MAU2: variants seen among roughly 807,000 people sequenced by gnomAD.
MAU2 encodes the protein MAU2 sister chromatid cohesion factor.
MAU2 carries 9 observed loss-of-function variants against 89.1 expected under a neutral mutation model. That is an observed-to-expected ratio of 0.10 (90% CI 0.06 to 0.18). MAU2 has a LOEUF of 0.18. Ranked by LOEUF, MAU2 falls within the 10% of genes least tolerant of loss-of-function variation. The pLI is 1.00. For synonymous variants in MAU2, 357 were observed against 343.4 expected (o/e 1.04, Z -0.44); for missense variants, 425 against 803.5 (o/e 0.53, Z 5.69).
intron 16 of MAU2, chr19:19,352,906 A>T (rs1020072653): frequency 1.3e-5 from 2 of 152,330 alleles, no homozygotes; most frequent in African/African-American, 4.8e-5. Context: ...AGACACAGCC[A>T]GACACAGCCA....
rs1216726435 is a variant in MAU2 at position 19,348,475 on chromosome 19, A to AT, written c.1309-412dup. 3.7e-5 allele frequency: 11 copies of AT among 296,170 alleles called. No homozygotes were observed. In the Admixed American group the frequency reaches 4.3e-4, roughly 12 times the overall value. 18.3% of individuals were successfully genotyped at this position (296,170 alleles called of 1,614,324 possible). ...GCCTCTGCAGCTAGAGGGCAGCTAA[A>AT]TTATCAGTCAGATCACGCCCCCATC... On this transcript the variant is annotated intron_variant, in intron 13 of 18. Transcript: ENST00000262815.
Position 19,357,034 on chromosome 19 carries a change from G to A in MAU2, c.*1252G>A, listed in dbSNP as rs2048187552. ...GTCCTGCTCAGCAGGGTAGGTGGTG[G>A]TTTTAGGTCTTGTCACCCTCACTCA... On this transcript the variant is annotated 3_prime_UTR_variant, in exon 19 of 19. Transcript: ENST00000262815. The A allele has an allele frequency of 6.6e-6, 1 of 152,276 alleles. No individual in the cohort carries two copies. Among genetic ancestry groups the A allele is most frequent in the Non-Finnish European group, 1.5e-5 (1 of 68,108 alleles). The allele number at this position is 152,276 out of a possible 1,614,324, so 9.4% of individuals were successfully genotyped here. A position where few individuals can be genotyped will look rare whatever the true frequency, so the allele number is the denominator to read the frequency against.
chr19:19,328,993 A>C (rs2061533279), intron 1 of MAU2: 1 of 454,670 alleles, frequency 2.2e-6, no homozygotes. Flanking sequence ...GGTTTTGCTC[A>C]TCTGACTTAG....
chr19:19,351,473 C>T (rs1301157456), intron 16 of MAU2, among the ~76,000 whole-genome samples: 1 of 33,186 alleles, frequency 3.0e-5, no homozygotes, highest in Non-Finnish European at 5.3e-5. Flanking sequence ...AATTCAATAT[C>T]AGCCTGACCA....
At position 19,349,379 on chromosome 19, in the gene MAU2, C is replaced by T. The variant is rs1174583851; in HGVS notation, c.1491C>T (p.Leu497=). The T allele has an allele frequency of 6.8e-6, 11 of 1,614,210 alleles. No individual in the cohort carries two copies. The South Asian group carries it at 7.7e-5, about 11-fold the overall frequency. Residue 497 remains leucine (L), a synonymous_variant, in exon 16 of 19, where the codon CTC becomes CTT. Coordinates refer to ENST00000262815, the MANE Select transcript of MAU2 (RefSeq NM_015329.4). ...CCAATGCTGAGGACCTGAACCGGCT[C>T]ACAGCCTGCTCCCTCGTGCTTCTGG... ...KMSNAEDLNR[L]TACSLVLLGH... is the part of the protein sequence containing the mutation.
chr19:19,344,716 G>A, intron 10 of MAU2, 133 bp from the exon 11 acceptor site: 1 of 691,240 alleles, frequency 1.4e-6, no homozygotes, highest in Non-Finnish European at 2.6e-6. Context: ...GGACGTGTCT[G>A]CTGGGGCTTT....
chr19:19,342,231 G>A (rs1304810651), intron 7 of MAU2, among the ~76,000 whole-genome samples: 2 of 152,162 alleles, frequency 1.3e-5, no homozygotes, highest in East Asian at 1.9e-4. Flanking sequence ...AGGTCTGGCT[G>A]CGTGAAGACC....
At position 19,338,956 on chromosome 19, in the gene MAU2, C is replaced by G; in HGVS notation, c.551+17C>G. 6.3e-7 allele frequency: 1 copy of G among 1,594,498 alleles called. No homozygotes were observed. The highest frequency in any genetic ancestry group is 8.6e-7 in the Non-Finnish European group (1 of 1,167,590). On this transcript the variant is annotated intron_variant, in intron 5 of 18. Coordinates refer to ENST00000262815, the MANE Select transcript of MAU2 (RefSeq NM_015329.4). ...ATACACACGGTAGGCACCCACTCCC[C>G]TCCTTCCCTCCTGCTCTGTTAACAG...
Position 19,335,546 on chromosome 19 carries a change from T to C in MAU2, c.277-172T>C, listed in dbSNP as rs556024925. ...GCTCTATAGCTTCCATTCCCCTGGC[T>C]GGATTGGAGGGGAGTAAGCCTACCC... On this transcript the variant is annotated intron_variant, in intron 1 of 18. Transcript: ENST00000262815. 2.6e-4 allele frequency among the ~76,000 whole-genome samples: 39 copies of C among 152,242 alleles called. 1 individual carries two copies. Among genetic ancestry groups the C allele is most frequent in the Non-Finnish European group, 5.4e-4 (37 of 68,014 alleles).
chr19:19,327,268 C>A (rs935729313), intron 1 of MAU2, among the ~76,000 whole-genome samples: 6 of 151,796 alleles, frequency 4.0e-5, no homozygotes, highest in African/African-American at 1.5e-4. Context: ...ATTACAGGTG[C>A]CTGCCACCAT....
At position 19,345,188 on chromosome 19, in the gene MAU2, A is replaced by G; in HGVS notation, c.1156-116A>G. 1.1e-6 allele frequency: 1 copy of G among 917,092 alleles called. No homozygotes were observed. Among genetic ancestry groups the G allele is most frequent in the Non-Finnish European group, 1.8e-6 (1 of 566,962 alleles). 56.8% of individuals were successfully genotyped at this position (917,092 alleles called of 1,614,324 possible). ...TTACCTGCCTTGCAGCTGGCTCGGT[A>G]GAGCCATTGTCATACTCCTCCAGGG... On this transcript the variant is annotated intron_variant, in intron 11 of 18. Transcript: ENST00000262815. This position sits in a 1 kb window ranked among gnomAD's most constrained non-coding sequence, Gnocchi z 4.9.
At chr19:19,336,216 A>G (rs957216129) in intron 3 of MAU2, 29 bp downstream of exon 3, 4 of 1,525,602 alleles carry the variant, frequency 2.6e-6, no homozygotes, top group East Asian at 2.3e-5. Flanking sequence ...TTCTGAAAGC[A>G]AAGTGTCTCT....
intron 13 of MAU2, 83 bp downstream of exon 13, chr19:19,347,449 C>A: frequency 9.4e-7 from 1 of 1,064,766 alleles, no homozygotes. Context: ...TGGGCACCAG[C>A]ACATCTCAGC....
chr19:19,335,224 A>C (rs2061586779), intron 1 of MAU2, among the ~76,000 whole-genome samples: 2 of 152,162 alleles, frequency 1.3e-5, no homozygotes, highest in South Asian at 4.1e-4. Flanking sequence ...ATAGCCAAGC[A>C]TCTTTCAAAT....
chr19:19,327,378 T>C (rs1186637244), intron 1 of MAU2, among the ~76,000 whole-genome samples: 1 of 151,784 alleles, frequency 6.6e-6, no homozygotes, highest in Non-Finnish European at 1.5e-5. Flanking sequence ...CAGGCTGGAG[T>C]GCAATGGCGC....
rs376011267 is a variant in MAU2, at chr19:19,332,568, C to T, written c.277-3150C>T. On this transcript the variant is annotated intron_variant, in intron 1 of 18. Transcript: ENST00000262815. ...ACCCAATCCTCTGGCTCCCAGTCAG[C>T]GCTCCTGACACCCACTGACGCTAGT... Among the ~76,000 whole-genome samples, 26 of 146,326 alleles carry T rather than the reference C, an allele frequency of 1.8e-4. No homozygotes were observed. The East Asian group carries it at 2.3e-3, about 13-fold the overall frequency.
intron 1 of MAU2, among the ~76,000 whole-genome samples, chr19:19,328,141 CAGAG>C (rs2061526219): frequency 2.1e-5 from 3 of 144,244 alleles, no homozygotes; most frequent in Middle Eastern, 3.6e-3. Flanking sequence ...ATCTGGGTGA[CAGAG>C]AGAGACCCTG....
chr19:19,347,615 C>T, intron 13 of MAU2: 1 of 452,854 alleles, frequency 2.2e-6, no homozygotes, highest in Non-Finnish European at 4.0e-6. Context: ...ACAAACAAAC[C>T]AAGCTGTATG....
Position 19,320,886 on chromosome 19 carries a change from C to T in MAU2, c.27C>T (p.Ala9=), listed in dbSNP as rs758042466. ...TGGCGGCTCAGGCGGCGGCAGCGGC[C>T]CAGGCGGCGGCGGCCCAGGCTGCGC... MAAQAAAA[A]QAAAAQAAQA... Residue 9 remains alanine, a synonymous_variant, in exon 1 of 19, where the codon GCC becomes GCT. Transcript: ENST00000262815. 1.3e-6 allele frequency: 2 copies of T among 1,483,452 alleles called. No homozygotes were observed. The highest frequency in any genetic ancestry group is 2.3e-4 in the Middle Eastern group (1 of 4,402). The allele number at this position is 1,483,452 out of a possible 1,614,324, so 91.9% of individuals were successfully genotyped here.
Sources: gnomAD v4.1 joint callset for allele counts (sites outside exome capture counted in the v4.1 genomes callset) on GRCh38, gnomAD v4.1.1 for gene constraint, Gnocchi (gnomAD v3.1) non-coding constraint, MANE v1.5 for transcripts, NCBI Gene and HGNC (gene_info 2026-07-23, HGNC 2026-07-21) for gene names.